The following CPSF7 variants were observed in gnomAD, a reference collection of about 807,000 sequenced individuals.
The protein encoded by CPSF7 is cleavage and polyadenylation specific factor 7, also known as cleavage and polyadenylation specificity factor subunit 7.
Under a neutral mutation model 44.3 loss-of-function variants are expected in CPSF7, and 1 was observed. The observed-to-expected ratio is 0.02, with a 90% CI of 0.01 to 0.11. CPSF7 has a LOEUF of 0.11. CPSF7 is among the 10% of genes least tolerant of loss of function. The pLI, the probability that CPSF7 is intolerant of heterozygous loss-of-function variation, is 1.00. For missense variants in CPSF7, 443 were observed against 607.2 expected (o/e 0.73, Z 2.84); for synonymous variants, 202 against 222.0 (o/e 0.91, Z 0.80).
intron 6 of CPSF7, 148 bp downstream of exon 6, chr11:61,415,957 G>A: frequency 1.1e-6 from 1 of 875,524 alleles, no homozygotes; most frequent in South Asian, 1.8e-5. Context: ...TAAAGGACAT[G>A]GTACTACTTC....
intron 2 of CPSF7, 38 bp downstream of exon 2, chr11:61,429,144 G>C (rs765231024): frequency 2.4e-6 from 3 of 1,230,784 alleles, no homozygotes; most frequent in Admixed American, 3.4e-5. Flanking sequence ...TTCCTCAGAT[G>C]ATCAAGGAAA....
At chr11:61,429,153 A>G (rs1861685958) in intron 2 of CPSF7, 29 bp downstream of exon 2, 1 of 1,342,580 alleles carries the variant, frequency 7.4e-7, no homozygotes, top group African/African-American at 1.4e-5. Context: ...TGATCAAGGA[A>G]AATCCCAAAG....
intron 5 of CPSF7, 107 bp downstream of exon 5, chr11:61,419,842 A>T: frequency 2.2e-6 from 3 of 1,381,674 alleles, no homozygotes; most frequent in Non-Finnish European, 2.0e-6. Context: ...CCCCAAACTC[A>T]CCCACACTGT....
Position 61,415,789 on chromosome 11 carries a change from A to T in CPSF7, c.939-5T>A. On this transcript the variant is annotated splice_region_variant and splice_polypyrimidine_tract_variant and intron_variant, in intron 6 of 9. Coordinates refer to ENST00000439958, the MANE Select transcript of CPSF7 (RefSeq NM_001142565.3). ...GGTGGAGGGCCCGAATCTCGGCTGT[A>T]CAGAGAAAATACCATCCTTGATTGC... 6.3e-7 allele frequency: 1 copy of T among 1,575,120 alleles called. No individual in the cohort carries two copies. The highest frequency in any genetic ancestry group is 8.7e-7 in the Non-Finnish European group (1 of 1,144,602).
intron 5 of CPSF7, among the ~76,000 whole-genome samples, chr11:61,417,045 C>CTTTTTTTTTTTTTTTTTTTTTTTT (rs1791146935): frequency 6.6e-6 from 1 of 152,096 alleles, no homozygotes; most frequent in African/African-American, 2.4e-5. Flanking sequence ...GATGGCACTT[C>CTTTTTTTTTTTTTTTTTTTTTTTT]TATTTACATA....
intron 2 of CPSF7, chr11:61,427,025 T>TAAAAA: frequency 4.7e-5 from 1 of 21,200 alleles, no homozygotes; most frequent in African/African-American, 2.7e-4. Flanking sequence ...AGACTCTGTC[T>TAAAAA]CAAAAAAAAA....
At chr11:61,426,900 C>G (rs939053430) in intron 2 of CPSF7, 1 of 151,958 alleles carries the variant, frequency 6.6e-6, no homozygotes, top group East Asian at 1.9e-4. Context: ...GCGGTGCGCG[C>G]GCCTGTAGTC....
chr11:61,424,040 A>G (rs1432362429), intron 2 of CPSF7, among the ~76,000 whole-genome samples: 1 of 152,212 alleles, frequency 6.6e-6, no homozygotes, highest in African/African-American at 2.4e-5. Flanking sequence ...AAGAATATCA[A>G]GAGACAGTAA....
intron 1 of CPSF7, 158 bp downstream of exon 1, chr11:61,429,755 AC>A (rs1861779116): frequency 4.5e-6 from 7 of 1,542,256 alleles, no homozygotes; most frequent in Non-Finnish European, 5.2e-6. Context: ...CTCCCGACAA[AC>A]CCGGCCCGGC....
At chr11:61,406,228 CA>C (rs1306679926) in intron 9 of CPSF7, 1 of 152,088 alleles carries the variant, frequency 6.6e-6, no homozygotes, top group Non-Finnish European at 1.5e-5. Flanking sequence ...TCAAGTGGGC[CA>C]ATTAGCCTTC....
chr11:61,426,373 C>G (rs1343785604), intron 2 of CPSF7: 1 of 152,162 alleles, frequency 6.6e-6, no homozygotes, highest in Non-Finnish European at 1.5e-5. Flanking sequence ...ATGACACTAA[C>G]ACTAACTTTG....
Position 61,416,256 on chromosome 11 carries a change from G to T in CPSF7, c.787C>A (p.Arg263=). The part of the protein sequence containing the change: ...HYQHLMPPPP[R]LPPHLAVPPP... ...GGTACAGCAAGATGAGGAGGTAATC[G>T]AGGAGGTGGGGGCATGAGATGCTGG... The change falls in exon 6 of 10, where the codon CGA becomes AGA. Residue 263 remains arginine, a synonymous_variant. Coordinates refer to ENST00000439958, the MANE Select transcript of CPSF7 (RefSeq NM_001142565.3). 1 of 1,534,934 alleles carries T rather than the reference G, an allele frequency of 6.5e-7. No individual in the cohort carries two copies.
At position 61,429,250 on chromosome 11, in the gene CPSF7, G is replaced by T; in HGVS notation, c.-15C>A. 1 of 1,613,702 alleles carries T rather than the reference G, an allele frequency of 6.2e-7. No individual in the cohort carries two copies. The highest frequency in any genetic ancestry group is 1.1e-5 in the South Asian group (1 of 91,066). Reference sequence around the variant, plus strand: ...CCTTCTGACATGGCTCCGGAAGGAAGATCGCGAGTCCGGAGGATGGACAAA... The same window carrying T: ...CCTTCTGACATGGCTCCGGAAGGAATATCGCGAGTCCGGAGGATGGACAAA... On this transcript the variant is annotated 5_prime_UTR_variant, in exon 2 of 10. Coordinates refer to ENST00000439958, the MANE Select transcript of CPSF7 (RefSeq NM_001142565.3).
intron 3 of CPSF7, 58 bp downstream of exon 3, chr11:61,421,332 A>C (rs1590719585): frequency 4.3e-6 from 6 of 1,410,436 alleles, no homozygotes; most frequent in Non-Finnish European, 6.0e-6. Context: ...AAATGCCATC[A>C]CCTCCCAGTG....
At position 61,421,576 on chromosome 11, in the gene CPSF7, G is replaced by A; in HGVS notation, c.87C>T (p.Asp29=). ...TGGCTGTCAGCACATCATCATACAG[G>A]TCAATCTGATCTGTATTGTTGAACT... ...DPEFNNTDQI[D]LYDDVLTATS... is the part of the protein sequence containing the mutation. The change falls in exon 3 of 10, where the codon GAC becomes GAT. Residue 29 remains aspartate, a synonymous_variant. Transcript: ENST00000439958. The A allele has an allele frequency of 6.2e-7, 1 of 1,613,748 alleles. No homozygotes were observed. Among genetic ancestry groups the A allele is most frequent in the African/African-American group, 1.3e-5 (1 of 75,030 alleles).
At chr11:61,408,236 T>A (rs1051230055) in intron 9 of CPSF7, among the ~76,000 whole-genome samples, 1 of 151,882 alleles carries the variant, frequency 6.6e-6, no homozygotes, top group African/African-American at 2.4e-5. Flanking sequence ...TTTTTGTGTG[T>A]ATTTTTAGTA....
chr11:61,426,735 A>G (rs1861384868), intron 2 of CPSF7: 1 of 152,246 alleles, frequency 6.6e-6, no homozygotes, highest in African/African-American at 2.4e-5. Flanking sequence ...CTTTTCATTA[A>G]TAACAAAGGT....
intron 2 of CPSF7, among the ~76,000 whole-genome samples, chr11:61,426,144 T>C (rs1004713913): frequency 1.3e-5 from 2 of 152,190 alleles, no homozygotes; most frequent in Non-Finnish European, 2.9e-5. Flanking sequence ...ATAAGCACCA[T>C]AGGGTTCCAT....
At chr11:61,421,362 C>T (rs753593914) in intron 3 of CPSF7, 28 bp downstream of exon 3, 5 of 1,595,582 alleles carry the variant, frequency 3.1e-6, no homozygotes, top group Non-Finnish European at 4.3e-6. Flanking sequence ...CAGCCCACCC[C>T]TAAGCATTTT....
Sources: allele counts gnomAD v4.1 joint callset (sites outside exome capture counted in the v4.1 genomes callset), GRCh38; gene constraint gnomAD v4.1.1; transcripts MANE v1.5; gene names NCBI Gene and HGNC (gene_info 2026-07-23, HGNC 2026-07-21).